The following ERC2 variants were observed in gnomAD, a reference collection of about 807,000 sequenced individuals.
ERC2 encodes ELKS/RAB6-interacting/CAST family member 2.
ERC2 carries 42 observed loss-of-function variants against 114.8 expected under a neutral mutation model. That is an observed-to-expected ratio of 0.37 (90% confidence interval 0.29 to 0.47). The LOEUF (loss-of-function observed/expected upper bound fraction) is 0.47. Ranked by LOEUF, ERC2 falls within the 20% of genes least tolerant of loss-of-function variation. ERC2 has a pLI of 0.99. For missense variants in ERC2, 939 were observed against 1,150.7 expected, an observed-to-expected ratio of 0.82 and a Z score of 2.66; for synonymous variants, 454 against 425.5, an observed-to-expected ratio of 1.07 and a Z score of -0.82.
At chr3:56,302,021 T>C (rs911434787) in intron 2 of ERC2, among the ~76,000 whole-genome samples, 4 of 152,200 alleles carry the variant, frequency 2.6e-5, no homozygotes, top group Admixed American at 6.5e-5. Flanking sequence ...CAAAAAACTA[T>C]ATTCAGAAAG....
intron 2 of ERC2, among the ~76,000 whole-genome samples, chr3:56,319,244 T>C (rs142621263): frequency 2.0e-5 from 3 of 152,006 alleles, no homozygotes; most frequent in African/African-American, 7.2e-5. Context: ...AAACTAAGTG[T>C]TCATAAATGG....
chr3:55,679,953 T>G (rs1365545084), intron 17 of ERC2, among the ~76,000 whole-genome samples: 1 of 152,194 alleles, frequency 6.6e-6, no homozygotes, highest in South Asian at 2.1e-4. Context: ...ATAAAACATC[T>G]CCTTCCTCCT....
At chr3:55,521,676 C>G (rs11705955) in intron 17 of ERC2, among the ~76,000 whole-genome samples, 22,790 of 152,220 alleles carry the variant, frequency 0.15, 1,796 homozygotes, top group Middle Eastern at 0.21. Context: ...CTTCAGACAT[C>G]TTGCCAGGAC....
intron 3 of ERC2, among the ~76,000 whole-genome samples, chr3:56,263,360 TA>T (rs200286564): frequency 8.7e-4 from 118 of 135,096 alleles, no homozygotes; most frequent in South Asian, 1.2e-3. Context: ...ACAGTGAAAT[TA>T]AAAAAAAAAA....
intron 3 of ERC2, among the ~76,000 whole-genome samples, chr3:56,200,114 T>C (rs2048327268): frequency 6.6e-6 from 1 of 152,080 alleles, no homozygotes; most frequent in African/African-American, 2.4e-5. Context: ...CTGTGAGGAA[T>C]TCAGACTATA....
chr3:56,405,846 G>T (rs957239543), intron 2 of ERC2, among the ~76,000 whole-genome samples: 5 of 148,974 alleles, frequency 3.4e-5, no homozygotes, highest in Non-Finnish European at 7.4e-5. Context: ...ACATGTAATT[G>T]CTAGAAGAGG....
intron 2 of ERC2, among the ~76,000 whole-genome samples, chr3:56,391,919 C>T (rs564756781): frequency 5.3e-5 from 8 of 152,164 alleles, no homozygotes; most frequent in South Asian, 2.1e-4. Context: ...TCATATCTGA[C>T]GGGAGATTAA....
At chr3:56,406,342 C>G (rs78839259) in intron 2 of ERC2, among the ~76,000 whole-genome samples, 1 of 152,166 alleles carries the variant, frequency 6.6e-6, no homozygotes, top group Admixed American at 6.5e-5. Flanking sequence ...GGATTCTGAA[C>G]ACTATACCTC....
At chr3:56,073,802 G>A (rs1345806879) in intron 7 of ERC2, among the ~76,000 whole-genome samples, 1 of 152,116 alleles carries the variant, frequency 6.6e-6, no homozygotes, top group Non-Finnish European at 1.5e-5. Context: ...AAAGGAAAGG[G>A]AAACTACCAA....
At chr3:55,677,200 GA>G (rs1313026309) in intron 17 of ERC2, among the ~76,000 whole-genome samples, 1 of 152,146 alleles carries the variant, frequency 6.6e-6, no homozygotes, top group Non-Finnish European at 1.5e-5. Flanking sequence ...TAAGCCGAAA[GA>G]AACCCTCTGC....
intron 7 of ERC2, among the ~76,000 whole-genome samples, chr3:56,034,003 A>G (rs1221382266): frequency 1.3e-5 from 2 of 152,182 alleles, no homozygotes; most frequent in African/African-American, 4.8e-5. Flanking sequence ...TTAAATGTAA[A>G]TAAATTACGG....
chr3:56,162,744 T>C (rs556259303), intron 4 of ERC2, among the ~76,000 whole-genome samples: 1 of 152,132 alleles, frequency 6.6e-6, no homozygotes, highest in South Asian at 2.1e-4. Context: ...TCATTTCTGA[T>C]TGAATTTATT....
intron 1 of ERC2, among the ~76,000 whole-genome samples, chr3:56,436,954 T>C (rs565158629): frequency 9.1e-4 from 138 of 152,350 alleles, no homozygotes; most frequent in Non-Finnish European, 3.7e-4. Flanking sequence ...CTATCATCTA[T>C]ACATCTGTTC....
chr3:55,527,258 A>T (rs756492571), intron 17 of ERC2, among the ~76,000 whole-genome samples: 4 of 152,234 alleles, frequency 2.6e-5, no homozygotes, highest in African/African-American at 4.8e-5. Flanking sequence ...GATAGTAAAA[A>T]TATCTAAAGC....
chr3:55,927,663 C>A (rs1381836798), intron 13 of ERC2, among the ~76,000 whole-genome samples: 1 of 152,050 alleles, frequency 6.6e-6, no homozygotes, highest in Non-Finnish European at 1.5e-5. Flanking sequence ...CTCTAGTCAT[C>A]CTGTCGTGTT....
chr3:56,439,478 T>C (rs902441362), intron 1 of ERC2, among the ~76,000 whole-genome samples: 1 of 152,174 alleles, frequency 6.6e-6, no homozygotes, highest in African/African-American at 2.4e-5. Flanking sequence ...AGAATGGGCC[T>C]AGTTGTTTAT....
chr3:55,877,005 T>C (rs1039991901), intron 14 of ERC2, among the ~76,000 whole-genome samples: 1 of 152,332 alleles, frequency 6.6e-6, no homozygotes, highest in Non-Finnish European at 1.5e-5. Context: ...GTGAGTTCCA[T>C]GTGAAAATAA....
At chr3:56,453,146 T>C (rs2062900369) in intron 1 of ERC2, among the ~76,000 whole-genome samples, 1 of 152,218 alleles carries the variant, frequency 6.6e-6, no homozygotes, top group South Asian at 2.1e-4. Flanking sequence ...CCCTACAGTC[T>C]CCTTCCTGTG....
chr3:56,354,633 A>G (rs1237376116), intron 2 of ERC2, among the ~76,000 whole-genome samples: 1 of 152,176 alleles, frequency 6.6e-6, no homozygotes, highest in African/African-American at 2.4e-5. Flanking sequence ...TAACTCTCCA[A>G]GATAAACCTC....
Sources: gnomAD v4.1 joint callset for allele counts (sites outside exome capture counted in the v4.1 genomes callset) on GRCh38, gnomAD v4.1.1 for gene constraint, MANE v1.5 for transcripts, NCBI Gene and HGNC (gene_info 2026-07-23, HGNC 2026-07-21) for gene names.